LRRC3B: variants seen among roughly 807,000 people sequenced by gnomAD.
LRRC3B encodes the protein leucine rich repeat containing 3B, also known as leucine-rich repeat-containing protein 3B.
LRRC3B carries 2 observed loss-of-function variants against 12.8 expected under a neutral mutation model. That is an observed-to-expected ratio of 0.16 (90% CI 0.06 to 0.49). LRRC3B has a LOEUF of 0.49. Ranked by LOEUF, LRRC3B falls within the 20% of genes least tolerant of loss-of-function variation. The pLI is 0.96. For missense variants in LRRC3B, 189 were observed against 319.4 expected (o/e 0.59, Z 3.11); for synonymous variants, 132 against 122.0 (o/e 1.08, Z -0.54).
At chr3:26,685,594 C>CAT (rs200275513) in intron 1 of LRRC3B, among the ~76,000 whole-genome samples, 33 of 126,176 alleles carry the variant, frequency 2.6e-4, no homozygotes, top group East Asian at 5.0e-4. Context: ...AAGCTTCACT[C>CAT]ATATATATAT....
chr3:26,657,538 A>T (rs1031293556), intron 1 of LRRC3B, among the ~76,000 whole-genome samples: 1 of 152,168 alleles, frequency 6.6e-6, no homozygotes, highest in African/African-American at 2.4e-5. Flanking sequence ...ATCACATTCT[A>T]ACTTTCTTAT....
At chr3:26,649,668 C>T (rs1404134237) in intron 1 of LRRC3B, among the ~76,000 whole-genome samples, 1 of 152,184 alleles carries the variant, frequency 6.6e-6, no homozygotes, top group Non-Finnish European at 1.5e-5. Flanking sequence ...TCATATTTCA[C>T]ATCACTGACA....
At chr3:26,634,137 A>C (rs1427828971) in intron 1 of LRRC3B, among the ~76,000 whole-genome samples, 1 of 148,528 alleles carries the variant, frequency 6.7e-6, no homozygotes, top group Non-Finnish European at 1.5e-5. Flanking sequence ...TGATTCTGCC[A>C]TTAGCTGTTG....
intron 1 of LRRC3B, among the ~76,000 whole-genome samples, chr3:26,639,231 C>G (rs1698968020): frequency 1.3e-5 from 2 of 151,682 alleles, no homozygotes; most frequent in African/African-American, 4.8e-5. Context: ...TATACTTAAC[C>G]CAGTATATTC....
intron 1 of LRRC3B, among the ~76,000 whole-genome samples, chr3:26,626,104 C>T (rs899992593): frequency 1.3e-5 from 2 of 152,168 alleles, no homozygotes; most frequent in African/African-American, 4.8e-5. Context: ...CAGTCCTGGC[C>T]TGTGAGCCCC....
chr3:26,694,243 T>C (rs1700254592), intron 1 of LRRC3B, among the ~76,000 whole-genome samples: 2 of 152,230 alleles, frequency 1.3e-5, no homozygotes, highest in South Asian at 4.1e-4. Flanking sequence ...CAATGTTTTA[T>C]TCTATGGGCG....
intron 1 of LRRC3B, among the ~76,000 whole-genome samples, chr3:26,677,873 T>C (rs1378341132): frequency 6.6e-6 from 1 of 152,170 alleles, no homozygotes; most frequent in Middle Eastern, 3.2e-3. Context: ...CGATCATGGC[T>C]CACTGCAGCC....
intron 1 of LRRC3B, among the ~76,000 whole-genome samples, chr3:26,637,123 A>G (rs2125405203): frequency 6.6e-6 from 1 of 151,244 alleles, no homozygotes; most frequent in Admixed American, 6.6e-5. Flanking sequence ...TAGCCTCCAG[A>G]ATAGCTGTGA....
At chr3:26,648,086 T>G (rs547185345) in intron 1 of LRRC3B, among the ~76,000 whole-genome samples, 7 of 145,044 alleles carry the variant, frequency 4.8e-5, no homozygotes, top group Non-Finnish European at 1.1e-4. Context: ...AAGTTTGGGG[T>G]TTTTTTTTTT....
chr3:26,666,014 T>C (rs890213477), intron 1 of LRRC3B, among the ~76,000 whole-genome samples: 31 of 152,182 alleles, frequency 2.0e-4, no homozygotes, highest in African/African-American at 6.8e-4. Flanking sequence ...CCATCTTCAT[T>C]AATTCAAATC....
chr3:26,671,369 T>A (rs191250465), intron 1 of LRRC3B, among the ~76,000 whole-genome samples: 1 of 38,202 alleles, frequency 2.6e-5, no homozygotes, highest in African/African-American at 1.1e-4. Flanking sequence ...TATATATATA[T>A]ATATAGAGAG....
intron 1 of LRRC3B, among the ~76,000 whole-genome samples, chr3:26,653,708 A>G (rs1056066079): frequency 6.6e-6 from 1 of 152,186 alleles, no homozygotes; most frequent in Non-Finnish European, 1.5e-5. Context: ...AGTACGGCTC[A>G]GGACCAGGTG....
intron 1 of LRRC3B, among the ~76,000 whole-genome samples, chr3:26,668,299 G>A (rs1198053665): frequency 2.6e-5 from 4 of 152,100 alleles, no homozygotes; most frequent in Non-Finnish European, 1.5e-5. Context: ...AGCCAGAGCT[G>A]GTTACTTAAG....
At chr3:26,628,281 A>G (rs12485568) in intron 1 of LRRC3B, among the ~76,000 whole-genome samples, 79,876 of 151,872 alleles carry the variant, frequency 0.53, 21,749 homozygotes, top group East Asian at 0.66. Flanking sequence ...ATGTTTATAC[A>G]ATACATAGTA....
At chr3:26,664,035 C>T (rs984113458) in intron 1 of LRRC3B, among the ~76,000 whole-genome samples, 1 of 152,064 alleles carries the variant, frequency 6.6e-6, no homozygotes, top group African/African-American at 2.4e-5. Context: ...AAATAAAGCC[C>T]ACACTACTTA....
intron 1 of LRRC3B, among the ~76,000 whole-genome samples, chr3:26,633,625 A>T (rs1378152745): frequency 6.6e-6 from 1 of 152,220 alleles, no homozygotes; most frequent in Non-Finnish European, 1.5e-5. Context: ...GGGACATTTG[A>T]ACCGAATCCT....
intron 1 of LRRC3B, among the ~76,000 whole-genome samples, chr3:26,701,988 G>A (rs1396106011): frequency 2.0e-5 from 3 of 152,144 alleles, no homozygotes. Context: ...AATACCTGAT[G>A]TGTAATAAAT....
At chr3:26,630,023 C>T (rs1315656009) in intron 1 of LRRC3B, among the ~76,000 whole-genome samples, 2 of 146,242 alleles carry the variant, frequency 1.4e-5, no homozygotes, top group Non-Finnish European at 3.0e-5. Flanking sequence ...CAATACTTAG[C>T]ACAGTAAGAC....
chr3:26,660,854 A>G (rs1473716859), intron 1 of LRRC3B, among the ~76,000 whole-genome samples: 4 of 152,064 alleles, frequency 2.6e-5, no homozygotes, highest in Non-Finnish European at 5.9e-5. Context: ...CTATTTCCTT[A>G]TTTTTACAAT....
Sources: allele counts gnomAD v4.1 joint callset (sites outside exome capture counted in the v4.1 genomes callset), GRCh38; gene constraint gnomAD v4.1.1; transcripts MANE v1.5; gene names NCBI Gene and HGNC (gene_info 2026-07-23, HGNC 2026-07-21).